The following DCAF5 variants were observed in gnomAD, a reference collection of about 807,000 sequenced individuals.
The protein encoded by DCAF5 is DDB1- and CUL4-associated factor 5.
In DCAF5, 9 loss-of-function variants were observed where a neutral mutation model predicts 80.7. The ratio of observed to expected loss-of-function variants is 0.11; its 90% CI spans 0.07 to 0.19. The LOEUF is 0.19. DCAF5 is among the 10% of genes least tolerant of loss of function. The pLI is 1.00. For missense variants in DCAF5, 842 were observed against 1,205.7 expected (o/e 0.70, Z 4.47); for synonymous variants, 433 against 461.9 (o/e 0.94, Z 0.80).
chr14:69,078,936 C>T (rs183806217), intron 6 of DCAF5, among the ~76,000 whole-genome samples: 49 of 152,118 alleles, frequency 3.2e-4, no homozygotes, highest in Non-Finnish European at 6.6e-4. Flanking sequence ...AATCTCGGCT[C>T]ACTGCAACCT....
At chr14:69,078,347 C>G (rs1335740376) in intron 6 of DCAF5, among the ~76,000 whole-genome samples, 1 of 152,140 alleles carries the variant, frequency 6.6e-6, no homozygotes, top group Non-Finnish European at 1.5e-5. Context: ...CCACCTCATA[C>G]CCATCAGAAT....
intron 6 of DCAF5, chr14:69,084,510 C>A (rs1330307520): frequency 3.9e-6 from 3 of 770,132 alleles, no homozygotes; most frequent in Non-Finnish European, 6.9e-6. Context: ...GCAAGGATTT[C>A]TCTGAAAAAG....
intron 8 of DCAF5, among the ~76,000 whole-genome samples, chr14:69,058,247 G>T (rs2038052909): frequency 6.6e-6 from 1 of 152,176 alleles, no homozygotes; most frequent in African/African-American, 2.4e-5. Context: ...AGCCGGGCGT[G>T]GTGGCTCAAG....
chr14:69,103,170 G>A (rs2040023385), intron 5 of DCAF5, among the ~76,000 whole-genome samples: 1 of 152,148 alleles, frequency 6.6e-6, no homozygotes, highest in Admixed American at 6.5e-5. Flanking sequence ...TCCAGTTGTA[G>A]AATGATTATA....
intron 5 of DCAF5, among the ~76,000 whole-genome samples, chr14:69,092,597 G>A (rs1462007039): frequency 6.6e-6 from 1 of 152,164 alleles, no homozygotes; most frequent in East Asian, 1.9e-4. Context: ...CAGCCTGGGT[G>A]AGAGAACAAG....
chr14:69,056,580 A>G (rs1372103913), intron 8 of DCAF5, among the ~76,000 whole-genome samples: 2 of 152,240 alleles, frequency 1.3e-5, no homozygotes, highest in Admixed American at 1.3e-4. Context: ...ATCAGCCTGT[A>G]GTCATGGCAA....
Position 69,118,969 on chromosome 14 carries a change from A to G in DCAF5, c.395+225T>C. On this transcript the variant is annotated intron_variant, in intron 3 of 8. Transcript: ENST00000341516. The surrounding 1 kb of genome is among the most constrained non-coding windows in gnomAD (Gnocchi z 4.0). ...ACTCTTGTTTTAAATTTTCACCTAA[A>G]AAGTACACTCTCATACCAACTTTCA... The G allele has an allele frequency of 2.0e-6, 1 of 509,062 alleles. No individual in the cohort carries two copies. Among genetic ancestry groups the G allele is most frequent in the Non-Finnish European group, 3.4e-6 (1 of 292,392 alleles). 31.5% of individuals were successfully genotyped at this position (509,062 alleles called of 1,614,324 possible).
At chr14:69,100,560 C>G (rs6573869) in intron 5 of DCAF5, among the ~76,000 whole-genome samples, 1 of 152,100 alleles carries the variant, frequency 6.6e-6, no homozygotes, top group East Asian at 1.9e-4. Flanking sequence ...AGATACAAAA[C>G]AAGTTTCCCT....
chr14:69,109,610 C>G (rs941228178), intron 5 of DCAF5, among the ~76,000 whole-genome samples: 1 of 152,076 alleles, frequency 6.6e-6, no homozygotes, highest in South Asian at 2.1e-4. Flanking sequence ...AATATTATGA[C>G]CGTGAGATTC....
At chr14:69,124,057 A>G (rs986319233) in intron 1 of DCAF5, among the ~76,000 whole-genome samples, 5 of 152,136 alleles carry the variant, frequency 3.3e-5, no homozygotes, top group African/African-American at 1.2e-4. Flanking sequence ...AACCTCGTAT[A>G]AGTCAAATCA....
chr14:69,059,902 C>T (rs1261502955), intron 8 of DCAF5, among the ~76,000 whole-genome samples: 2 of 152,218 alleles, frequency 1.3e-5, no homozygotes, highest in African/African-American at 2.4e-5. Context: ...GATAACCTCA[C>T]AGATAAAACA....
At chr14:69,085,432 G>A in intron 6 of DCAF5, 1 of 467,560 alleles carries the variant, frequency 2.1e-6, no homozygotes, top group East Asian at 4.8e-5. Flanking sequence ...GTCCTAAAAT[G>A]ATTCTTTTCC....
Position 69,151,612 on chromosome 14 carries a change from C to A in DCAF5, c.214+1153G>T, listed in dbSNP as rs561265338. Among the ~76,000 whole-genome samples the A allele has an allele frequency of 1.2e-3, 183 of 152,260 alleles. 1 individual carries two copies. The highest frequency in any genetic ancestry group is 4.0e-3 in the African/African-American group (166 of 41,560). ...CCGTCTTCACCCCCCCTCCCCTGAG[C>A]CAGGTTTCGGGGAGCCGCCCCCTAG... is the stretch of plus-strand genomic sequence containing the variant. On this transcript the variant is annotated intron_variant, in intron 1 of 8. Transcript: ENST00000341516.
chr14:69,112,398 C>T (rs1048714800), intron 5 of DCAF5, among the ~76,000 whole-genome samples: 1 of 151,928 alleles, frequency 6.6e-6, no homozygotes, highest in Non-Finnish European at 1.5e-5. Flanking sequence ...TAAGGAGGCA[C>T]AGATGAAAGA....
At chr14:69,122,185 T>G (rs1481977163) in intron 2 of DCAF5, 32 bp downstream of exon 2, 1 of 1,598,910 alleles carries the variant, frequency 6.3e-7, no homozygotes, top group Admixed American at 1.7e-5. Flanking sequence ...CCAACCACAG[T>G]GACGTTCCCA....
intron 5 of DCAF5, among the ~76,000 whole-genome samples, chr14:69,110,414 C>T (rs567841596): frequency 6.6e-6 from 1 of 151,686 alleles, no homozygotes; most frequent in East Asian, 1.9e-4. Flanking sequence ...TACAGGCACA[C>T]AACACCACGC....
In DCAF5 at chr14:69,053,917, T is replaced by C. The variant is rs763596947; in HGVS notation, c.2769A>G (p.Arg923=). ...VHGHSGLKRQ[R]IELEDTDSEN... ...CTGAATCTGTATCTTCCAATTCAAT[T>C]CGTTGCCTTTTGAGGCCACTGTGGC... The change falls in exon 9 of 9, where the codon CGA becomes CGG. Residue 923 remains arginine, a synonymous_variant. Coordinates refer to ENST00000341516, the MANE Select transcript of DCAF5 (RefSeq NM_003861.3). The C allele has an allele frequency of 6.2e-7, 1 of 1,612,320 alleles. No homozygotes were observed.
chr14:69,060,725 T>C (rs936960089), intron 8 of DCAF5, among the ~76,000 whole-genome samples: 1 of 151,810 alleles, frequency 6.6e-6, no homozygotes, highest in Non-Finnish European at 1.5e-5. Context: ...AGAGACAGGG[T>C]TTCACCATTT....
intron 5 of DCAF5, among the ~76,000 whole-genome samples, chr14:69,098,520 A>C (rs2039815853): frequency 2.0e-5 from 3 of 152,144 alleles, no homozygotes; most frequent in Admixed American, 1.3e-4. Flanking sequence ...AAACGGTGCC[A>C]GACAATAATA....
Sources: allele counts gnomAD v4.1 joint callset (sites outside exome capture counted in the v4.1 genomes callset), GRCh38; gene constraint gnomAD v4.1.1; non-coding constraint Gnocchi (gnomAD v3.1); transcripts MANE v1.5; gene names NCBI Gene and HGNC (gene_info 2026-07-23, HGNC 2026-07-21).